The following EIF4E variants were observed in gnomAD, a reference collection of about 807,000 sequenced individuals.
EIF4E encodes eIF-4F 25 kDa subunit.
For synonymous variants in EIF4E, 71 were observed against 88.5 expected (o/e 0.80, Z 1.11); for missense variants, 113 against 265.6 (o/e 0.43, Z 3.99).
chr4:98,919,254 G>A (rs1415040589), intron 1 of EIF4E, among the ~76,000 whole-genome samples: 6 of 150,322 alleles, frequency 4.0e-5, no homozygotes, highest in South Asian at 2.1e-4. Flanking sequence ...GCAGTGACCC[G>A]AGATCGTGCC....
chr4:98,904,438 C>G (rs1724778097), intron 1 of EIF4E, among the ~76,000 whole-genome samples: 1 of 117,250 alleles, frequency 8.5e-6, no homozygotes, highest in Admixed American at 8.0e-5. Context: ...AAATAAAAGT[C>G]CCACTGTAAG....
intron 6 of EIF4E, among the ~76,000 whole-genome samples, chr4:98,882,015 T>C (rs1173635915): frequency 6.6e-6 from 1 of 152,164 alleles, no homozygotes; most frequent in Non-Finnish European, 1.5e-5. Flanking sequence ...TGTGTGGCTA[T>C]GGCTTGTAAG....
chr4:98,916,059 T>C (rs909476124), intron 1 of EIF4E, among the ~76,000 whole-genome samples: 2 of 151,272 alleles, frequency 1.3e-5, no homozygotes, highest in African/African-American at 2.4e-5. Flanking sequence ...GGCATGGTGG[T>C]GGGCACCTGT....
At chr4:98,900,063 A>G (rs1216057675) in intron 2 of EIF4E, among the ~76,000 whole-genome samples, 1 of 151,132 alleles carries the variant, frequency 6.6e-6, no homozygotes, top group African/African-American at 2.4e-5. Flanking sequence ...GCTGTGAGGG[A>G]TATATGCCTT....
At chr4:98,892,328 C>T (rs78687820) in intron 2 of EIF4E, among the ~76,000 whole-genome samples, 4 of 50,104 alleles carry the variant, frequency 8.0e-5, no homozygotes, top group Admixed American at 7.6e-4. Context: ...TCTCAAAAAA[C>T]AAAAAAACAA....
chr4:98,914,361 CAAAAAAAAAAAA>C lies in EIF4E; in HGVS notation c.19-12391_19-12380del, dbSNP rs1159581783. 1.7e-4 allele frequency among the ~76,000 whole-genome samples: 6 copies of C among 34,838 alleles called. No homozygotes were observed. The Admixed American group carries it at 2.1e-3, about 12-fold the overall frequency. 22.9% of individuals were successfully genotyped at this position (34,838 alleles called of 152,430 possible). A position where few individuals can be genotyped will look rare whatever the true frequency, so the allele number is the denominator to read the frequency against. ...CTGGCAACAGAGCCAGACTCCGTCTCAAAAAAAAAAAAAAAAAAAAAAAAAAAGCACTTTTTT... is the reference window on the plus strand; with the variant it reads ...CTGGCAACAGAGCCAGACTCCGTCTCAAAAAAAAAAAAAAAGCACTTTTTT... On this transcript the variant is annotated intron_variant, in intron 1 of 6. Coordinates refer to ENST00000450253, the MANE Select transcript of EIF4E (RefSeq NM_001968.5).
At chr4:98,908,473 G>A (rs2110206436) in intron 1 of EIF4E, among the ~76,000 whole-genome samples, 1 of 152,262 alleles carries the variant, frequency 6.6e-6, no homozygotes, top group Admixed American at 6.5e-5. Flanking sequence ...TATTAGAAAT[G>A]TAAATGCTAC....
intron 2 of EIF4E, among the ~76,000 whole-genome samples, chr4:98,895,731 C>T (rs1724351669): frequency 6.6e-6 from 1 of 152,158 alleles, no homozygotes; most frequent in African/African-American, 2.4e-5. Flanking sequence ...AAACAAAAAC[C>T]TCTGCACCCA....
rs1724669415 is a variant in EIF4E at position 98,901,961 on chromosome 4, G to T, written c.40C>A (p.Pro14Thr). Residue 14 changes from proline (P) to threonine (T), a missense_variant, in exon 2 of 7, where the codon CCC becomes ACC. Physicochemically the swap from Pro to Thr is conservative, Grantham distance 38. Coordinates refer to ENST00000450253, the MANE Select transcript of EIF4E (RefSeq NM_001968.5). ...GTTTTCTCCTCTTCTGTAGTCGGGG[G>T]ATTAGGAGTAGGGGTGGTTTCCTAG... ...VEPETTPTPNPPTTEEEKTES... is the reference protein window; with the variant it reads ...VEPETTPTPNTPTTEEEKTES... The T allele has an allele frequency of 5.6e-6, 9 of 1,613,650 alleles. No homozygotes were observed. The highest frequency in any genetic ancestry group is 7.6e-6 in the Non-Finnish European group (9 of 1,179,934).
intron 3 of EIF4E, among the ~76,000 whole-genome samples, chr4:98,889,746 T>G (rs1453169226): frequency 6.6e-6 from 1 of 152,192 alleles, no homozygotes; most frequent in African/African-American, 2.4e-5. Flanking sequence ...TGTAAACTGG[T>G]AAAAGCCAAA....
chr4:98,889,537 G>C (rs531192849), intron 3 of EIF4E, among the ~76,000 whole-genome samples: 8 of 152,198 alleles, frequency 5.3e-5, no homozygotes, highest in Admixed American at 1.3e-4. Flanking sequence ...ATGCAGTCTG[G>C]ATAAATACAA....
intron 1 of EIF4E, among the ~76,000 whole-genome samples, chr4:98,928,248 C>T (rs774406214): frequency 2.0e-5 from 3 of 152,050 alleles, no homozygotes; most frequent in Admixed American, 6.6e-5. Flanking sequence ...GCAAGCCGAC[C>T]GGCTACAGCG....
chr4:98,913,382 G>A (rs1039109604), intron 1 of EIF4E, among the ~76,000 whole-genome samples: 1 of 151,896 alleles, frequency 6.6e-6, no homozygotes, highest in Non-Finnish European at 1.5e-5. Context: ...TTAGGCTGGA[G>A]TGCAGGGGTG....
intron 1 of EIF4E, among the ~76,000 whole-genome samples, chr4:98,914,398 T>G (rs1422391743): frequency 6.6e-6 from 1 of 150,812 alleles, no homozygotes; most frequent in Non-Finnish European, 1.5e-5. Flanking sequence ...AGCACTTTTT[T>G]TTTTTGCTTT....
chr4:98,879,876 TATG>T lies in EIF4E; in HGVS notation c.*1149_*1151del, dbSNP rs937360837. The T allele has an allele frequency of 4.6e-5, 7 of 152,314 alleles. No homozygotes were observed. The highest frequency in any genetic ancestry group is 1.9e-4 in the East Asian group (1 of 5,194). The allele number at this position is 152,314 out of a possible 1,614,324, so 9.4% of individuals were successfully genotyped here. On this transcript the variant is annotated 3_prime_UTR_variant, in exon 7 of 7. Coordinates refer to ENST00000450253, the MANE Select transcript of EIF4E (RefSeq NM_001968.5). ...AGCCACATCAATTTAATTCCATATA[TATG>T]ATACTACCTATTCAATTTATTAAAA...
At chr4:98,912,688 T>A (rs1038043653) in intron 1 of EIF4E, among the ~76,000 whole-genome samples, 18 of 152,190 alleles carry the variant, frequency 1.2e-4, no homozygotes, top group African/African-American at 4.3e-4. Context: ...TGCACAAAAC[T>A]GTTGACTGCA....
intron 1 of EIF4E, among the ~76,000 whole-genome samples, chr4:98,905,596 A>G (rs979169528): frequency 1.3e-5 from 2 of 152,236 alleles, no homozygotes; most frequent in African/African-American, 4.8e-5. Flanking sequence ...AATGAAAGCC[A>G]TTAACTAGAA....
intron 1 of EIF4E, among the ~76,000 whole-genome samples, chr4:98,928,526 GCCGCGGCACCACTC>G (rs1365887093): frequency 2.0e-5 from 3 of 152,028 alleles, no homozygotes; most frequent in Non-Finnish European, 2.9e-5. Context: ...CTCCGCGCGT[GCCGCGGCACCACTC>G]CCGCCTAACC....
In EIF4E at chr4:98,929,117, G is replaced by A; in HGVS notation, c.-5C>T. 1 of 1,571,220 alleles carries A rather than the reference G, an allele frequency of 6.4e-7. No individual in the cohort carries two copies. Among genetic ancestry groups the A allele is most frequent in the Non-Finnish European group, 8.6e-7 (1 of 1,157,774 alleles). On this transcript the variant is annotated 5_prime_UTR_variant, in exon 1 of 7. Transcript: ENST00000450253. ...CACCGGTTCGACAGTCGCCATCTTA[G>A]ATCGATCTGATCGCACAACCGCTCC...
Sources: gnomAD v4.1 joint callset for allele counts (sites outside exome capture counted in the v4.1 genomes callset) on GRCh38, gnomAD v4.1.1 for gene constraint, MANE v1.5 for transcripts, NCBI Gene and HGNC (gene_info 2026-07-23, HGNC 2026-07-21) for gene names.